Variants in FAT3 observed in about 807,000 individuals in gnomAD.
The protein encoded by FAT3 is protocadherin Fat 3.
FAT3 carries 95 observed loss-of-function variants against 310.2 expected under a neutral mutation model. The ratio of observed to expected loss-of-function variants is 0.31; its 90% CI spans 0.26 to 0.36. FAT3 has a LOEUF of 0.36. FAT3 is among the 10% of genes least tolerant of loss of function. The probability of loss-of-function intolerance (pLI) is 1.00; values close to 1 mark genes in which losing one functional copy is unlikely to be tolerated. For missense variants in FAT3, 5,408 were observed against 5,715.6 expected, an observed-to-expected ratio of 0.95 and a Z score of 1.74; for synonymous variants, 2,314 against 2,192.9, an observed-to-expected ratio of 1.06 and a Z score of -1.54.
chr11:92,607,034 A>G (rs1425423178), intron 3 of FAT3, among the ~76,000 whole-genome samples: 1 of 152,218 alleles, frequency 6.6e-6, no homozygotes, highest in Non-Finnish European at 1.5e-5. Context: ...ATTAGCCATG[A>G]ATAGATATCA....
chr11:92,829,580 G>A (rs1345187075), intron 13 of FAT3, among the ~76,000 whole-genome samples: 1 of 152,072 alleles, frequency 6.6e-6, no homozygotes, highest in Non-Finnish European at 1.5e-5. Flanking sequence ...ATTCACCTCA[G>A]GAATTCATGT....
chr11:92,315,843 A>T (rs1180134050), intron 1 of FAT3, among the ~76,000 whole-genome samples: 11 of 152,060 alleles, frequency 7.2e-5, no homozygotes, highest in Non-Finnish European at 1.6e-4. Flanking sequence ...TTTAAATAAA[A>T]TAAATTTAAA....
intron 2 of FAT3, among the ~76,000 whole-genome samples, chr11:92,369,252 A>T (rs1949119491): frequency 6.6e-6 from 1 of 152,342 alleles, no homozygotes; most frequent in South Asian, 2.1e-4. Flanking sequence ...TAATAGCTTC[A>T]TGTTAAATCT....
rs2136408583 is a variant in FAT3 at position 92,882,805 on chromosome 11, T to C, written c.12349T>C (p.Phe4117Leu). ...CENGGSCVNV[F>L]GSFLCNCTPG... ...GAACGGAGGCTCCTGCGTGAACGTG[T>C]TCGGCTCCTTCCTCTGCAACTGCAC... The change falls in exon 24 of 28, where the codon TTC becomes CTC. Residue 4117 changes from phenylalanine to leucine, a missense_variant. By Grantham distance (22) the Phe-to-Leu change is conservative (BLOSUM62 0). Transcript: ENST00000525166. 1 of 1,611,962 alleles carries C rather than the reference T, an allele frequency of 6.2e-7. No homozygotes were observed. Among genetic ancestry groups the C allele is most frequent in the Non-Finnish European group, 8.5e-7 (1 of 1,179,252 alleles).
intron 1 of FAT3, among the ~76,000 whole-genome samples, chr11:92,331,504 T>G (rs1218976108): frequency 2.6e-5 from 4 of 152,056 alleles, no homozygotes; most frequent in African/African-American, 9.7e-5. Context: ...ATTTTAGCAG[T>G]AAACCCCTTC....
chr11:92,750,472 T>C (rs1023742060), intron 4 of FAT3, among the ~76,000 whole-genome samples: 3 of 152,224 alleles, frequency 2.0e-5, no homozygotes, highest in Admixed American at 6.5e-5. Flanking sequence ...AGAATGAATG[T>C]TCTGATGAGC....
chr11:92,708,442 T>G (rs1479898867), intron 4 of FAT3, among the ~76,000 whole-genome samples: 2 of 152,226 alleles, frequency 1.3e-5, no homozygotes, highest in African/African-American at 4.8e-5. Context: ...ACAGCCAAAT[T>G]ACTTAATCTA....
At chr11:92,821,359 G>C (rs1427900874) in intron 13 of FAT3, among the ~76,000 whole-genome samples, 1 of 152,126 alleles carries the variant, frequency 6.6e-6, no homozygotes, top group Non-Finnish European at 1.5e-5. Flanking sequence ...ATTTCAGCCT[G>C]TTTTCTCTTA....
chr11:92,225,797 G>T (rs1298481998), intron 1 of FAT3, among the ~76,000 whole-genome samples: 4 of 152,204 alleles, frequency 2.6e-5, no homozygotes, highest in Non-Finnish European at 5.9e-5. Context: ...GTGAACGGCG[G>T]CGGCGGCTCT....
rs567023253 is a variant in FAT3 at position 92,862,635 on chromosome 11, G to C, written c.11658+3313G>C. ...TAAAACAGCCCACTTGGCATGGCCA[G>C]ATCTTTCCAATATAGATCAAAAGAG... On this transcript the variant is annotated intron_variant, in intron 21 of 27. Coordinates refer to ENST00000525166, the MANE Select transcript of FAT3 (RefSeq NM_001367949.2). Among the ~76,000 whole-genome samples the C allele has an allele frequency of 8.5e-5, 13 of 152,278 alleles. No homozygotes were observed. The South Asian group carries it at 2.5e-3, about 29-fold the overall frequency.
intron 2 of FAT3, among the ~76,000 whole-genome samples, chr11:92,442,109 ATATT>A (rs1245729536): frequency 2.0e-5 from 1 of 50,090 alleles, no homozygotes; most frequent in Admixed American, 3.9e-4. Flanking sequence ...ATATATATAT[ATATT>A]TTTTTTTTTT....
In FAT3 at chr11:92,765,632, G is replaced by T. The variant is rs184261236; in HGVS notation, c.4195+543G>T. The stretch of plus-strand genomic sequence containing the variant: ...ACAGCTATCCAATCTGCCTTTTACG[G>T]TTTTTTTTTAAAGCAAATTGAATTA... On this transcript the variant is annotated intron_variant, in intron 6 of 27. Coordinates refer to ENST00000525166, the MANE Select transcript of FAT3 (RefSeq NM_001367949.2). Among the ~76,000 whole-genome samples, 8 of 151,432 alleles carry T rather than the reference G, an allele frequency of 5.3e-5. No individual in the cohort carries two copies. In the East Asian group the frequency reaches 7.8e-4, roughly 15 times the overall value.
chr11:92,723,876 G>A (rs958763388), intron 4 of FAT3, among the ~76,000 whole-genome samples: 1 of 152,144 alleles, frequency 6.6e-6, no homozygotes, highest in African/African-American at 2.4e-5. Flanking sequence ...CCCACAACAC[G>A]TGGGAATTCA....
intron 2 of FAT3, among the ~76,000 whole-genome samples, chr11:92,410,208 C>T (rs1950225777): frequency 6.6e-6 from 1 of 151,954 alleles, no homozygotes; most frequent in African/African-American, 2.4e-5. Flanking sequence ...ATCCAGAAGT[C>T]CTTTGTGCTA....
chr11:92,450,732 A>C (rs553565765), intron 2 of FAT3, among the ~76,000 whole-genome samples: 2 of 152,344 alleles, frequency 1.3e-5, no homozygotes, highest in Non-Finnish European at 2.9e-5. Context: ...TGGAAGCCTA[A>C]AATAGCCTTT....
At chr11:92,482,497 A>G (rs1952255682) in intron 2 of FAT3, among the ~76,000 whole-genome samples, 1 of 152,104 alleles carries the variant, frequency 6.6e-6, no homozygotes, top group Non-Finnish European at 1.5e-5. Context: ...TTGCTCCCCA[A>G]AGTCATCTAG....
At chr11:92,713,307 A>G (rs530830951) in intron 4 of FAT3, among the ~76,000 whole-genome samples, 16 of 152,342 alleles carry the variant, frequency 1.1e-4, no homozygotes, top group African/African-American at 2.6e-4. Context: ...ATGCATTTCA[A>G]TGGCATCCAG....
intron 2 of FAT3, among the ~76,000 whole-genome samples, chr11:92,358,505 C>A (rs367614668): frequency 6.6e-6 from 1 of 151,370 alleles, no homozygotes; most frequent in African/African-American, 2.4e-5. Context: ...TCTTAGAAAA[C>A]ACAACTGGGT....
intron 3 of FAT3, among the ~76,000 whole-genome samples, chr11:92,666,579 C>T (rs1476259355): frequency 6.7e-6 from 1 of 149,670 alleles, no homozygotes; most frequent in African/African-American, 2.5e-5. Flanking sequence ...CCAGGATGGT[C>T]TCGATCTCCT....
Sources: allele counts gnomAD v4.1 joint callset (sites outside exome capture counted in the v4.1 genomes callset), GRCh38; gene constraint gnomAD v4.1.1; transcripts MANE v1.5; gene names NCBI Gene and HGNC (gene_info 2026-07-23, HGNC 2026-07-21).